COL19A1: variants seen among roughly 807,000 people sequenced by gnomAD.
The protein encoded by COL19A1 is collagen type XIX alpha 1 chain.
Under a neutral mutation model 190.2 loss-of-function variants are expected in COL19A1, and 159 were observed. The ratio of observed to expected loss-of-function variants is 0.84; its 90% CI spans 0.73 to 0.95. The LOEUF (loss-of-function observed/expected upper bound fraction) is 0.95. COL19A1 is among the 40% of genes least tolerant of loss of function. COL19A1 has a pLI of 0.00. For missense variants in COL19A1, 1,418 were observed against 1,431.9 expected (o/e 0.99, Z 0.16); for synonymous variants, 509 against 458.9 (o/e 1.11, Z -1.39).
chr6:70,174,837 G>T (rs1010832243), intron 41 of COL19A1, among the ~76,000 whole-genome samples: 3 of 152,182 alleles, frequency 2.0e-5, no homozygotes, highest in African/African-American at 4.8e-5. Context: ...CAATGGATTA[G>T]GGTTTAGGGG....
intron 9 of COL19A1, among the ~76,000 whole-genome samples, chr6:69,954,369 A>G (rs1028710066): frequency 6.6e-6 from 1 of 151,976 alleles, no homozygotes; most frequent in African/African-American, 2.4e-5. Context: ...CTGGTTCTGG[A>G]TAAGTGTTTG....
At chr6:70,048,034 A>C (rs1205501295) in intron 14 of COL19A1, among the ~76,000 whole-genome samples, 1 of 152,168 alleles carries the variant, frequency 6.6e-6, no homozygotes, top group African/African-American at 2.4e-5. Flanking sequence ...ATGTTTATGC[A>C]GAAGCCAAAG....
At chr6:70,087,958 A>G (rs62420148) in intron 15 of COL19A1, among the ~76,000 whole-genome samples, 11,963 of 152,214 alleles carry the variant, frequency 0.079, 604 homozygotes, top group South Asian at 0.15. Flanking sequence ...GATTTGGGGT[A>G]TATTTTTCTT....
At chr6:69,879,363 A>G (rs978644964) in intron 1 of COL19A1, among the ~76,000 whole-genome samples, 173 bp from the exon 2 acceptor site, 3 of 152,198 alleles carry the variant, frequency 2.0e-5, no homozygotes, top group African/African-American at 7.2e-5. Flanking sequence ...AGCCCTTATC[A>G]TACAGATTAA....
intron 12 of COL19A1, among the ~76,000 whole-genome samples, chr6:70,030,650 G>C (rs1328968082): frequency 6.6e-6 from 1 of 151,888 alleles, no homozygotes; most frequent in Non-Finnish European, 1.5e-5. Flanking sequence ...CTTTTTTTGT[G>C]TTTGTCTTTT....
chr6:70,043,413 C>T (rs1277963867), intron 14 of COL19A1, among the ~76,000 whole-genome samples: 1 of 152,136 alleles, frequency 6.6e-6, no homozygotes, highest in Admixed American at 6.5e-5. Context: ...AGGATGGTCT[C>T]GATCTCCTGA....
chr6:69,967,062 G>A (rs1454269604), intron 11 of COL19A1, among the ~76,000 whole-genome samples: 1 of 152,154 alleles, frequency 6.6e-6, no homozygotes, highest in African/African-American at 2.4e-5. Context: ...TGAAGTTTGA[G>A]AACTAATTTT....
chr6:70,117,407 T>C (rs1032730626), intron 16 of COL19A1, among the ~76,000 whole-genome samples: 2 of 152,194 alleles, frequency 1.3e-5, no homozygotes, highest in African/African-American at 4.8e-5. Context: ...GCTCATCATT[T>C]TTACACTACG....
chr6:69,908,228 A>C (rs1471892792), intron 4 of COL19A1, among the ~76,000 whole-genome samples: 1 of 152,220 alleles, frequency 6.6e-6, no homozygotes, highest in Non-Finnish European at 1.5e-5. Flanking sequence ...TCTGATATCG[A>C]AGTGTCTCCT....
intron 15 of COL19A1, among the ~76,000 whole-genome samples, chr6:70,075,312 A>C (rs571753781): frequency 6.6e-6 from 1 of 152,300 alleles, no homozygotes; most frequent in Non-Finnish European, 1.5e-5. Context: ...AAATAAGCAA[A>C]TCTGCATTTA....
rs888043911 is a variant in COL19A1 at position 70,154,858 on chromosome 6, G to A, written c.2080-1269G>A. Among the ~76,000 whole-genome samples, 32 of 152,280 alleles carry A rather than the reference G, an allele frequency of 2.1e-4. 1 individual carries two copies. The East Asian group carries it at 5.8e-3, about 28-fold the overall frequency. On this transcript the variant is annotated intron_variant, in intron 31 of 50. Coordinates refer to ENST00000620364, the MANE Select transcript of COL19A1 (RefSeq NM_001858.6). ...CACAGGAGAAAGATGAAAGCCAGAA[G>A]ACTCAGCAAGTCAACCCCTTCCACC...
chr6:70,094,814 G>A (rs929363520), intron 15 of COL19A1, among the ~76,000 whole-genome samples: 1 of 152,106 alleles, frequency 6.6e-6, no homozygotes, highest in Non-Finnish European at 1.5e-5. Context: ...GTGACCCTCT[G>A]TGTCCTTGTG....
chr6:69,959,961 T>C (rs767668731), intron 9 of COL19A1, 35 bp from the exon 10 acceptor site: 7 of 1,596,806 alleles, frequency 4.4e-6, no homozygotes, highest in African/African-American at 4.0e-5. Context: ...TATATCTTTA[T>C]GGATCATAAA....
intron 4 of COL19A1, among the ~76,000 whole-genome samples, chr6:69,922,854 G>A (rs1772081195): frequency 6.6e-6 from 1 of 151,966 alleles, no homozygotes; most frequent in African/African-American, 2.4e-5. Flanking sequence ...TTCATTTGCT[G>A]GATCACTCAC....
chr6:70,134,496 T>C (rs1785718463), intron 18 of COL19A1, among the ~76,000 whole-genome samples: 1 of 152,110 alleles, frequency 6.6e-6, no homozygotes, highest in African/African-American at 2.4e-5. Context: ...AGAACGTGAG[T>C]GAATTCAGAG....
chr6:69,922,093 G>C (rs1337792573), intron 4 of COL19A1, among the ~76,000 whole-genome samples: 1 of 151,990 alleles, frequency 6.6e-6, no homozygotes, highest in African/African-American at 2.4e-5. Context: ...TTAAGTGTTT[G>C]TGCTTGTGTG....
At chr6:70,134,034 A>G (rs544702019) in intron 18 of COL19A1, among the ~76,000 whole-genome samples, 1 of 152,242 alleles carries the variant, frequency 6.6e-6, no homozygotes, top group South Asian at 2.1e-4. Flanking sequence ...TTTGATTTTT[A>G]CAAGCAATTG....
intron 15 of COL19A1, among the ~76,000 whole-genome samples, chr6:70,094,578 CAATA>C (rs1783126757): frequency 2.6e-5 from 4 of 152,156 alleles, no homozygotes; most frequent in Admixed American, 2.6e-4. Context: ...TCCTCATCAA[CAATA>C]AAAACCATCT....
At chr6:70,091,768 A>G (rs3729610) in intron 15 of COL19A1, among the ~76,000 whole-genome samples, 28,432 of 151,890 alleles carry the variant, frequency 0.19, 3,770 homozygotes, top group African/African-American at 0.35. Flanking sequence ...CTGACCAACA[A>G]TTGCTGCCGG....
Sources: gnomAD v4.1 joint callset for allele counts (sites outside exome capture counted in the v4.1 genomes callset) on GRCh38, gnomAD v4.1.1 for gene constraint, MANE v1.5 for transcripts, NCBI Gene and HGNC (gene_info 2026-07-23, HGNC 2026-07-21) for gene names.